Variants in ANKRD36 observed in about 807,000 individuals in gnomAD.
ANKRD36 encodes the protein ankyrin repeat domain-containing protein 36A.
A neutral mutation model predicts 278.1 loss-of-function variants in ANKRD36; 179 were observed. That is an observed-to-expected ratio of 0.64 (90% CI 0.57 to 0.73). The LOEUF is 0.73. Ranked by LOEUF, ANKRD36 falls within the 30% of genes least tolerant of loss-of-function variation. The pLI is 0.00. For missense variants in ANKRD36, 1,159 were observed against 1,956.7 expected (o/e 0.59, Z 7.69); for synonymous variants, 320 against 641.1 (o/e 0.50, Z 7.57).
At chr2:97,260,608 T>G (rs2076641019) in intron 75 of ANKRD36, among the ~76,000 whole-genome samples, 2 of 111,292 alleles carry the variant, frequency 1.8e-5, no homozygotes, top group Admixed American at 1.1e-4. Context: ...GAGTACTGCC[T>G]TTAATGTTTT....
intron 5 of ANKRD36, among the ~76,000 whole-genome samples, chr2:97,124,824 C>T (rs909814836): frequency 3.3e-5 from 5 of 152,006 alleles, no homozygotes; most frequent in African/African-American, 9.6e-5. Flanking sequence ...GTGCAAGATT[C>T]TTGATATTGA....
At chr2:97,186,028 G>A (rs1281260491) in intron 30 of ANKRD36, among the ~76,000 whole-genome samples, 1 of 151,708 alleles carries the variant, frequency 6.6e-6, no homozygotes, top group Non-Finnish European at 1.5e-5. Flanking sequence ...TGGGGTTTCT[G>A]CTGAGGAAAC....
chr2:97,194,835 T>G lies in ANKRD36; in HGVS notation c.2479-10T>G, dbSNP rs1248310530. On this transcript the variant is annotated splice_polypyrimidine_tract_variant and intron_variant, in intron 39 of 75. Transcript: ENST00000420699. ...ACCTTATTTATTATTTTGTTTCAAA[T>G]TCCACTCAGGCTACAAGTGATGAGA... 5 of 1,595,776 alleles carry G rather than the reference T, an allele frequency of 3.1e-6. No homozygotes were observed. The South Asian group carries it at 4.5e-5, about 14-fold the overall frequency.
chr2:97,121,203 C>T (rs1199866485), intron 3 of ANKRD36, among the ~76,000 whole-genome samples: 1 of 152,028 alleles, frequency 6.6e-6, no homozygotes, highest in Non-Finnish European at 1.5e-5. Context: ...GTTTTATAAA[C>T]TATTTTTCTT....
At chr2:97,162,995 C>T (rs576961387) in intron 18 of ANKRD36, among the ~76,000 whole-genome samples, 6 of 152,216 alleles carry the variant, frequency 3.9e-5, no homozygotes, top group African/African-American at 1.4e-4. Context: ...AAGCCGGGCA[C>T]GGTGGCTCAC....
At chr2:97,114,040 G>A (rs1460742289) in intron 1 of ANKRD36, 104 bp downstream of exon 1, 6 of 893,266 alleles carry the variant, frequency 6.7e-6, no homozygotes, top group African/African-American at 3.7e-5. Flanking sequence ...GGGGCTCGGG[G>A]TTTGGACGGG....
At chr2:97,192,197 G>T (rs533091378) in intron 36 of ANKRD36, among the ~76,000 whole-genome samples, 2 of 151,810 alleles carry the variant, frequency 1.3e-5, no homozygotes, top group East Asian at 2.0e-4. Context: ...ATCCTGTGGT[G>T]CCATGAGTGG....
At chr2:97,160,496 C>A (rs1052095246) in intron 17 of ANKRD36, among the ~76,000 whole-genome samples, 36 of 152,088 alleles carry the variant, frequency 2.4e-4, no homozygotes, top group Non-Finnish European at 1.3e-4. Flanking sequence ...ATCCTTTTGA[C>A]TTGATGTTTC....
chr2:97,151,737 A>T, intron 12 of ANKRD36, 142 bp from the exon 13 acceptor site: 2 of 640,088 alleles, frequency 3.1e-6, no homozygotes. Context: ...TAGATTAGTA[A>T]ATGGCAGACT....
intron 66 of ANKRD36, among the ~76,000 whole-genome samples, chr2:97,222,185 T>G (rs1398448200): frequency 6.6e-6 from 1 of 151,918 alleles, no homozygotes; most frequent in Admixed American, 6.6e-5. Flanking sequence ...ACTGTAGCCT[T>G]GTAGTATAGT....
chr2:97,190,946 T>C lies in ANKRD36; in HGVS notation c.2246-32T>C, dbSNP rs745511444. 5.6e-6 allele frequency: 9 copies of C among 1,600,644 alleles called. No homozygotes were observed. In the Admixed American group the frequency reaches 1.3e-4, roughly 24 times the overall value. On this transcript the variant is annotated intron_variant, in intron 34 of 75. Transcript: ENST00000420699. Reference sequence around the variant, plus strand: ...TGGATAACTTTATCATGTTTATATATGAGTGATTATGTATCCCTTTTTGCT... The same window carrying C: ...TGGATAACTTTATCATGTTTATATACGAGTGATTATGTATCCCTTTTTGCT...
At chr2:97,199,382 T>A (rs1334769682) in intron 44 of ANKRD36, among the ~76,000 whole-genome samples, 2 of 152,024 alleles carry the variant, frequency 1.3e-5, no homozygotes, top group African/African-American at 4.8e-5. Flanking sequence ...TAATCTTGAA[T>A]GTGAATAAAT....
At chr2:97,156,670 G>A (rs1224632532) in intron 15 of ANKRD36, among the ~76,000 whole-genome samples, 4 of 136,262 alleles carry the variant, frequency 2.9e-5, no homozygotes, top group Admixed American at 7.6e-5. Context: ...GAATAGTGCC[G>A]CAATAAACAT....
In ANKRD36 at chr2:97,242,201, A is replaced by G. The variant is rs544366696; in HGVS notation, c.4307+722A>G. On this transcript the variant is annotated intron_variant, in intron 69 of 75. Transcript: ENST00000420699. Reference sequence around the variant, plus strand: ...GCTACGCAGGAGGCTGAGGCAGGAGAATCGCATGAAACTGGGAGGCAGAGG... The same window carrying G: ...GCTACGCAGGAGGCTGAGGCAGGAGGATCGCATGAAACTGGGAGGCAGAGG... Among the ~76,000 whole-genome samples, 6 of 151,688 alleles carry G rather than the reference A, an allele frequency of 4.0e-5. No individual in the cohort carries two copies. The South Asian group carries it at 8.6e-4, about 22-fold the overall frequency.
intron 6 of ANKRD36, among the ~76,000 whole-genome samples, chr2:97,139,389 A>G (rs1196405216): frequency 6.6e-6 from 1 of 152,006 alleles, no homozygotes; most frequent in Non-Finnish European, 1.5e-5. Flanking sequence ...GTAGAACTTG[A>G]TTTTGTGTAT....
chr2:97,191,839 G>A (rs1271414757), intron 36 of ANKRD36, among the ~76,000 whole-genome samples: 1 of 151,604 alleles, frequency 6.6e-6, no homozygotes, highest in Non-Finnish European at 1.5e-5. Flanking sequence ...CATTACTCCT[G>A]TTTGTTAGCA....
intron 26 of ANKRD36, among the ~76,000 whole-genome samples, chr2:97,182,062 A>C (rs1220065368): frequency 6.6e-6 from 1 of 151,322 alleles, no homozygotes; most frequent in African/African-American, 2.4e-5. Flanking sequence ...ATAATTTTGC[A>C]TTAATTCTAC....
At chr2:97,164,705 A>T (rs2050160671) in intron 20 of ANKRD36, among the ~76,000 whole-genome samples, 1 of 152,306 alleles carries the variant, frequency 6.6e-6, no homozygotes, top group African/African-American at 2.4e-5. Flanking sequence ...TCAGCTAAAG[A>T]TCCCAGTTTT....
intron 6 of ANKRD36, among the ~76,000 whole-genome samples, chr2:97,132,582 C>G (rs2040448737): frequency 6.6e-6 from 1 of 151,960 alleles, no homozygotes. Context: ...GCCTTCTGAT[C>G]GTAGTCACAG....
Sources: gnomAD v4.1 joint callset for allele counts (sites outside exome capture counted in the v4.1 genomes callset) on GRCh38, gnomAD v4.1.1 for gene constraint, MANE v1.5 for transcripts, NCBI Gene and HGNC (gene_info 2026-07-23, HGNC 2026-07-21) for gene names.